The following KANK1 variants were observed in gnomAD, a reference collection of about 807,000 sequenced individuals.
The protein encoded by KANK1 is KN motif and ankyrin repeat domains 1.
KANK1 carries 109 observed loss-of-function variants against 106.2 expected under a neutral mutation model. The observed-to-expected ratio is 1.03, with a 90% CI of 0.88 to 1.20. The LOEUF (loss-of-function observed/expected upper bound fraction) is 1.20. KANK1 is among the 50% of genes most tolerant of loss of function. The probability of loss-of-function intolerance (pLI) is 0.00; values close to 1 mark genes in which losing one functional copy is unlikely to be tolerated. For synonymous variants in KANK1, 873 were observed against 652.2 expected, an observed-to-expected ratio of 1.34 and a Z score of -5.16; for missense variants, 2,399 against 1,710.7, an observed-to-expected ratio of 1.40 and a Z score of -7.10.
chr9:615,283 A>G (rs562432996), intron 1 of KANK1, among the ~76,000 whole-genome samples: 5 of 152,218 alleles, frequency 3.3e-5, no homozygotes, highest in South Asian at 4.1e-4. Context: ...ATTTTATTGC[A>G]TTTTATTTGA....
chr9:654,885 C>G (rs1841778706), intron 1 of KANK1, among the ~76,000 whole-genome samples: 1 of 151,618 alleles, frequency 6.6e-6, no homozygotes. Flanking sequence ...GGTTTTCTGC[C>G]AAGTTCAAGT....
intron 7 of KANK1, among the ~76,000 whole-genome samples, chr9:737,244 A>C (rs1345415854): frequency 6.6e-6 from 1 of 152,204 alleles, no homozygotes; most frequent in Non-Finnish European, 1.5e-5. Flanking sequence ...GACACTCTTC[A>C]AGTGACCCAA....
At position 713,524 on chromosome 9, in the gene KANK1, A is replaced by G. The variant is rs571736548; in HGVS notation, c.2698+60A>G. 8 of 1,498,900 alleles carry G rather than the reference A, an allele frequency of 5.3e-6. No homozygotes were observed. The South Asian group carries it at 8.3e-5, about 16-fold the overall frequency. 92.9% of individuals were successfully genotyped at this position (1,498,900 alleles called of 1,614,324 possible). On this transcript the variant is annotated intron_variant, in intron 3 of 11. Coordinates refer to ENST00000382297, the MANE Select transcript of KANK1 (RefSeq NM_015158.5). ...GGATGGGGGAAAATGTCTTTCCAGAAGCTAAGGATTATTTTTTAACTGCTG... is the reference window on the plus strand; with the variant it reads ...GGATGGGGGAAAATGTCTTTCCAGAGGCTAAGGATTATTTTTTAACTGCTG...
intron 3 of KANK1, among the ~76,000 whole-genome samples, chr9:487,166 T>C (rs1313620191): frequency 6.6e-6 from 1 of 152,226 alleles, no homozygotes; most frequent in Non-Finnish European, 1.5e-5. Context: ...AGGCTGCTCC[T>C]GCAAATACAG....
chr9:662,412 C>G (rs997249558), intron 1 of KANK1, among the ~76,000 whole-genome samples: 2 of 152,130 alleles, frequency 1.3e-5, no homozygotes, highest in Admixed American at 1.3e-4. Context: ...CATCACGCTA[C>G]CTGACTTTAA....
In KANK1 at chr9:730,217, G is replaced by C. The variant is rs769586996; in HGVS notation, c.2865G>C (p.Leu955=). ...AAGGTACGCTGTCTCCAGTGAACCTGACAGACGACCAGATCGCCGCTGGCC... is the reference window on the plus strand; with the variant it reads ...AAGGTACGCTGTCTCCAGTGAACCTCACAGACGACCAGATCGCCGCTGGCC... ...TQEGTLSPVN[L]TDDQIAAGLY... Residue 955 remains leucine, a synonymous_variant, in exon 4 of 12, where the codon CTG becomes CTC. Transcript: ENST00000382297. The C allele has an allele frequency of 1.9e-6, 3 of 1,614,208 alleles. No homozygotes were observed. Among genetic ancestry groups the C allele is most frequent in the Non-Finnish European group, 2.5e-6 (3 of 1,180,050 alleles).
intron 3 of KANK1, 84 bp from the exon 4 acceptor site, chr9:729,967 T>A (rs1831755679): frequency 4.3e-6 from 5 of 1,150,536 alleles, no homozygotes; most frequent in Non-Finnish European, 5.9e-6. Context: ...CATTTTAAAT[T>A]ATGAGTGGCA....
chr9:711,848 C>T lies in KANK1; in HGVS notation c.1082C>T (p.Thr361Met), dbSNP rs139689422. Residue 361 changes from threonine to methionine, a missense_variant, in exon 3 of 12, where the codon ACG (threonine) becomes ATG (methionine). Coordinates refer to ENST00000382297, the MANE Select transcript of KANK1 (RefSeq NM_015158.5). ...EEEMETVEQS[T>M]QRIKEFRQLT... ...GAAATGGAGACCGTAGAACAGAGCA[C>T]GCAGAGGATAAAGGAGTTCCGGCAA... 23 of 1,613,950 alleles carry T rather than the reference C, an allele frequency of 1.4e-5. No homozygotes were observed. The highest frequency in any genetic ancestry group is 6.7e-5 in the African/African-American group (5 of 74,878).
Position 712,478 on chromosome 9 carries a change from T to A in KANK1, c.1712T>A (p.Val571Asp). The A allele has an allele frequency of 6.2e-7, 1 of 1,613,968 alleles. No homozygotes were observed. The stretch of plus-strand genomic sequence containing the variant: ...GAGCTGCCTATGAATTGGTGGATTG[T>A]TAAGGAGAGGGTGGAAATGCATGAC... Reference protein sequence around the residue: ...GPELPMNWWIVKERVEMHDRC... With the variant: ...GPELPMNWWIDKERVEMHDRC... Residue 571 changes from valine (V) to aspartate (D), a missense_variant, in exon 3 of 12, where the codon GTT becomes GAT. Transcript: ENST00000382297.
chr9:545,180 T>C (rs2060855698), intron 1 of KANK1, among the ~76,000 whole-genome samples: 1 of 150,222 alleles, frequency 6.7e-6, no homozygotes, highest in Non-Finnish European at 1.5e-5. Flanking sequence ...AGAATCTCTG[T>C]GAGTTGATTG....
chr9:573,480 C>G (rs943855532), intron 1 of KANK1, among the ~76,000 whole-genome samples: 4 of 152,018 alleles, frequency 2.6e-5, no homozygotes, highest in African/African-American at 9.7e-5. Context: ...CCGTGTTAGC[C>G]AGGATGGTCT....
chr9:664,129 G>C (rs560480578), intron 1 of KANK1, among the ~76,000 whole-genome samples: 1 of 152,178 alleles, frequency 6.6e-6, no homozygotes, highest in Admixed American at 6.5e-5. Context: ...CTTGATTAAT[G>C]TTAACTGTAG....
intron 1 of KANK1, among the ~76,000 whole-genome samples, chr9:651,920 A>G (rs1195659702): frequency 2.6e-5 from 4 of 152,236 alleles, no homozygotes; most frequent in East Asian, 3.8e-4. Flanking sequence ...CTATATTAAA[A>G]TTAATAGTAT....
At chr9:585,266 T>A (rs1402812437) in intron 1 of KANK1, among the ~76,000 whole-genome samples, 2 of 152,204 alleles carry the variant, frequency 1.3e-5, no homozygotes, top group African/African-American at 4.8e-5. Flanking sequence ...CCGCTGTGCA[T>A]CATCCTTGCT....
intron 2 of KANK1, among the ~76,000 whole-genome samples, chr9:683,156 C>A (rs1231900392): frequency 1.1e-4 from 16 of 152,158 alleles, no homozygotes. Flanking sequence ...GTTAGCATTA[C>A]CCCGAAGGCA....
chr9:717,558 A>G (rs1290868121), intron 3 of KANK1, among the ~76,000 whole-genome samples: 1 of 152,208 alleles, frequency 6.6e-6, no homozygotes, highest in Non-Finnish European at 1.5e-5. Flanking sequence ...GGAACCTGAT[A>G]GTGACCAGAG....
At chr9:479,212 T>G (rs2058160629) in intron 3 of KANK1, among the ~76,000 whole-genome samples, 1 of 152,276 alleles carries the variant, frequency 6.6e-6, no homozygotes, top group South Asian at 2.1e-4. Context: ...GTGTTCTTCC[T>G]GGTTACCAAT....
chr9:645,025 C>G (rs1313447008), intron 1 of KANK1, among the ~76,000 whole-genome samples: 3 of 144,886 alleles, frequency 2.1e-5, no homozygotes, highest in Non-Finnish European at 3.0e-5. Flanking sequence ...TCTGGAGGCT[C>G]AGGCAGGAGA....
At chr9:542,417 T>C (rs1278989887) in intron 1 of KANK1, among the ~76,000 whole-genome samples, 1 of 152,204 alleles carries the variant, frequency 6.6e-6, no homozygotes, top group African/African-American at 2.4e-5. Context: ...AACAAGTGTG[T>C]TGGGAAAATG....
Sources: allele counts gnomAD v4.1 joint callset (sites outside exome capture counted in the v4.1 genomes callset), GRCh38; gene constraint gnomAD v4.1.1; transcripts MANE v1.5; gene names NCBI Gene and HGNC (gene_info 2026-07-23, HGNC 2026-07-21).